DOCK1: variants seen among roughly 807,000 people sequenced by gnomAD.
The protein encoded by DOCK1 is dedicator of cytokinesis 1.
DOCK1 carries 138 observed loss-of-function variants against 262.7 expected under a neutral mutation model. The observed-to-expected ratio is 0.53, with a 90% CI of 0.46 to 0.61. DOCK1 has a LOEUF of 0.61. Among genes scored for constraint, DOCK1 ranks in the 20% least tolerant of loss-of-function variants. The probability of loss-of-function intolerance (pLI) is 0.00; values close to 1 mark genes in which losing one functional copy is unlikely to be tolerated. For synonymous variants in DOCK1, 866 were observed against 867.4 expected, an observed-to-expected ratio of 1.00 and a Z score of 0.03; for missense variants, 1,908 against 2,370.7, an observed-to-expected ratio of 0.80 and a Z score of 4.05.
intron 15 of DOCK1, chr10:127,026,068 A>AAAAAAAAAG (rs1292949804): frequency 3.2e-5 from 7 of 221,186 alleles, no homozygotes; most frequent in Non-Finnish European, 4.7e-5. Flanking sequence ...TCAAAAAAAA[A>AAAAAAAAAG]AAAAGAAAGA....
intron 46 of DOCK1, among the ~76,000 whole-genome samples, chr10:127,420,901 ATTTGTTTG>A (rs80287621): frequency 8.0e-6 from 1 of 124,642 alleles, no homozygotes; most frequent in South Asian, 2.4e-4. Flanking sequence ...TGAGCAGTTT[ATTTGTTTG>A]TTTGTTTGTT....
chr10:126,918,909 G>GGCACGGAGGATTCGGACAGGTGA lies in DOCK1; in HGVS notation c.46+13358_46+13359insCGGACAGGTGAGCACGGAGGATT, dbSNP rs1564982228. Among the ~76,000 whole-genome samples the GGCACGGAGGATTCGGACAGGTGA allele has an allele frequency of 3.4e-5, 5 of 145,676 alleles. 1 individual carries two copies. Among genetic ancestry groups the GGCACGGAGGATTCGGACAGGTGA allele is most frequent in the Non-Finnish European group, 7.7e-5 (5 of 64,772 alleles). On this transcript the variant is annotated intron_variant, in intron 1 of 51. Transcript: ENST00000623213. ...TGGGCACGGAGGATTCGGACAGGTGGGCACGGAGGATTTGGAGGAGGAGAA... is the reference window on the plus strand; with the variant it reads ...TGGGCACGGAGGATTCGGACAGGTGGGCACGGAGGATTCGGACAGGTGAGCACGGAGGATTTGGAGGAGGAGAA...
intron 38 of DOCK1, among the ~76,000 whole-genome samples, chr10:127,399,722 CGCTT>C (rs1466600574): frequency 6.6e-6 from 1 of 151,856 alleles, no homozygotes; most frequent in African/African-American, 2.4e-5. Flanking sequence ...AGTTTGTATC[CGCTT>C]GCAGAAAATT....
intron 48 of DOCK1, among the ~76,000 whole-genome samples, chr10:127,435,112 CA>C (rs1270403344): frequency 1.3e-5 from 2 of 152,120 alleles, no homozygotes; most frequent in African/African-American, 2.4e-5. Context: ...CAGGTTATTG[CA>C]AAGAGAACTG....
chr10:126,992,513 A>G (rs565818478), intron 6 of DOCK1, among the ~76,000 whole-genome samples: 3 of 152,162 alleles, frequency 2.0e-5, no homozygotes, highest in Admixed American at 2.0e-4. Flanking sequence ...ATGATACCAC[A>G]GTGTTGAATG....
At chr10:127,240,694 C>T (rs1051998743) in intron 27 of DOCK1, among the ~76,000 whole-genome samples, 2 of 152,256 alleles carry the variant, frequency 1.3e-5, no homozygotes, top group East Asian at 3.9e-4. Context: ...ATTATTCTTT[C>T]TTTCTTATAC....
At chr10:126,914,158 C>T (rs1328774210) in intron 1 of DOCK1, among the ~76,000 whole-genome samples, 1 of 152,196 alleles carries the variant, frequency 6.6e-6, no homozygotes, top group Non-Finnish European at 1.5e-5. Context: ...TTGCAAAGTG[C>T]TGGTCAGAAT....
chr10:127,114,755 CT>C (rs1328016819), intron 25 of DOCK1, among the ~76,000 whole-genome samples: 1 of 105,284 alleles, frequency 9.5e-6, no homozygotes, highest in East Asian at 2.9e-4. Flanking sequence ...CCTTTTTTTT[CT>C]TTCTTTTTTT....
intron 29 of DOCK1, among the ~76,000 whole-genome samples, chr10:127,337,023 T>C (rs893568935): frequency 1.3e-5 from 2 of 151,878 alleles, no homozygotes; most frequent in African/African-American, 2.4e-5. Context: ...CTGGAAAGAG[T>C]GTCTTCTTAA....
At chr10:127,313,002 C>T (rs923122687) in intron 29 of DOCK1, among the ~76,000 whole-genome samples, 2 of 152,186 alleles carry the variant, frequency 1.3e-5, no homozygotes, top group Non-Finnish European at 2.9e-5. Context: ...CCTTGGCTCC[C>T]TGGCCCCTCC....
chr10:127,337,518 G>T (rs1414787050), intron 29 of DOCK1, among the ~76,000 whole-genome samples: 3 of 152,064 alleles, frequency 2.0e-5, no homozygotes, highest in African/African-American at 4.8e-5. Context: ...AGCAATAAGA[G>T]CTTTATTCAA....
intron 1 of DOCK1, among the ~76,000 whole-genome samples, chr10:126,929,693 G>C (rs1391057095): frequency 6.6e-6 from 1 of 152,122 alleles, no homozygotes; most frequent in East Asian, 1.9e-4. Flanking sequence ...TTTGTCCTGA[G>C]AACCTCAGGA....
chr10:127,303,904 C>T (rs558969161), intron 29 of DOCK1, among the ~76,000 whole-genome samples: 24 of 152,224 alleles, frequency 1.6e-4, no homozygotes, highest in African/African-American at 4.3e-4. Flanking sequence ...CATGTAATCG[C>T]GATGTGTAAA....
intron 31 of DOCK1, among the ~76,000 whole-genome samples, chr10:127,349,419 G>T (rs1279856761): frequency 6.6e-6 from 1 of 152,030 alleles, no homozygotes; most frequent in Admixed American, 6.6e-5. Flanking sequence ...TTTGGTGTCT[G>T]CTCTCTCTTG....
intron 23 of DOCK1, among the ~76,000 whole-genome samples, chr10:127,099,810 T>C (rs2048128502): frequency 6.6e-6 from 1 of 152,200 alleles, no homozygotes; most frequent in Non-Finnish European, 1.5e-5. Context: ...CCATATCTGA[T>C]TCCTAACCTG....
chr10:127,245,707 C>T (rs1321284535), intron 27 of DOCK1, among the ~76,000 whole-genome samples: 2 of 152,236 alleles, frequency 1.3e-5, no homozygotes, highest in Non-Finnish European at 2.9e-5. Flanking sequence ...CTGAGTCTGG[C>T]TGCACTGATG....
intron 7 of DOCK1, chr10:126,997,840 T>C (rs1591584497): frequency 4.2e-6 from 2 of 477,408 alleles, no homozygotes; most frequent in East Asian, 6.9e-5. Context: ...TTTGATTTAT[T>C]GGATGGACAC....
chr10:126,906,232 T>A (rs1169898577), intron 1 of DOCK1, among the ~76,000 whole-genome samples: 1 of 152,180 alleles, frequency 6.6e-6, no homozygotes, highest in East Asian at 1.9e-4. Context: ...TCCGCGGCTC[T>A]TTGTCGCTTC....
At position 127,239,409 on chromosome 10, in the gene DOCK1, TTAAG is replaced by T. The variant is rs1235232620; in HGVS notation, c.2848-8596_2848-8593del. Reference sequence around the variant, plus strand: ...TTAATGTTTTAATACTTTATAATACTTAAGTATCATCATAAACATTTAATACTTA... The same window carrying T: ...TTAATGTTTTAATACTTTATAATACTTATCATCATAAACATTTAATACTTA... On this transcript the variant is annotated intron_variant, in intron 27 of 51. Transcript: ENST00000623213. 5.9e-5 allele frequency among the ~76,000 whole-genome samples: 9 copies of T among 152,290 alleles called. No individual in the cohort carries two copies. The East Asian group carries it at 1.5e-3, about 26-fold the overall frequency.
Sources: gnomAD v4.1 joint callset for allele counts (sites outside exome capture counted in the v4.1 genomes callset) on GRCh38, gnomAD v4.1.1 for gene constraint, MANE v1.5 for transcripts, NCBI Gene and HGNC (gene_info 2026-07-23, HGNC 2026-07-21) for gene names.